The following GRIP2 variants were observed in gnomAD, a reference collection of about 807,000 sequenced individuals.
GRIP2 encodes the protein glutamate receptor-interacting protein 2.
Under a neutral mutation model 108.3 loss-of-function variants are expected in GRIP2, and 58 were observed. The observed-to-expected ratio is 0.54, with a 90% CI of 0.43 to 0.67. The LOEUF (loss-of-function observed/expected upper bound fraction) is 0.67. Among genes scored for constraint, GRIP2 ranks in the 30% least tolerant of loss-of-function variants. The probability of loss-of-function intolerance (pLI) is 0.00; values close to 1 mark genes in which losing one functional copy is unlikely to be tolerated. For missense variants in GRIP2, 1,278 were observed against 1,430.6 expected, an observed-to-expected ratio of 0.89 and a Z score of 1.72; for synonymous variants, 586 against 598.2, an observed-to-expected ratio of 0.98 and a Z score of 0.30.
Position 14,521,066 on chromosome 3 carries a change from G to A in GRIP2, c.713-529C>T, listed in dbSNP as rs1575012715. ...AGCCTGGTTCAGTCCCTTAGCTCTC[G>A]CTTGGACAGCTGCTGCCGCTTCCTA... is the stretch of plus-strand genomic sequence containing the variant. On this transcript the variant is annotated intron_variant, in intron 7 of 23. Transcript: ENST00000621039. The surrounding 1 kb of genome is among the most constrained non-coding windows in gnomAD (Gnocchi z 5.1). 5.9e-6 allele frequency: 1 copy of A among 168,570 alleles called. No individual in the cohort carries two copies. Among genetic ancestry groups the A allele is most frequent in the Non-Finnish European group, 1.3e-5 (1 of 77,752 alleles). 10.4% of individuals were successfully genotyped at this position (168,570 alleles called of 1,614,324 possible).
At chr3:14,543,999 C>T (rs1313371365), upstream of GRIP2, among the ~76,000 whole-genome samples, 1 of 152,264 alleles carries the variant, frequency 6.6e-6, no homozygotes, top group Non-Finnish European at 1.5e-5. Context: ...CATCCACCCA[C>T]TTGCCCGCCA....
rs751818620 is a variant in GRIP2, at chr3:14,512,147, C to G, written c.1720+630G>C. ...GAGGAACGGTCTCAGATGCAAAGGC[C>G]CAGAGGCAGGAAGGGGCAGGCATGG... On this transcript the variant is annotated intron_variant, in intron 14 of 23. Coordinates refer to ENST00000621039, the MANE Select transcript of GRIP2 (RefSeq NM_001080423.4). The surrounding 1 kb of genome is among the most constrained non-coding windows in gnomAD (Gnocchi z 5.1). Among the ~76,000 whole-genome samples the G allele has an allele frequency of 2.0e-4, 31 of 152,054 alleles. No homozygotes were observed. Among genetic ancestry groups the G allele is most frequent in the Non-Finnish European group, 4.4e-5 (3 of 68,028 alleles).
chr3:14,513,952 T>C, intron 12 of GRIP2, 142 bp from the exon 13 acceptor site: 1 of 1,025,966 alleles, frequency 9.7e-7, no homozygotes, highest in Non-Finnish European at 1.4e-6. Context: ...CCCACCTGTG[T>C]ATCCTCAGGA....
the GRIP2 span, among the ~76,000 whole-genome samples, chr3:14,572,290 T>C: frequency 0.17 from 25,329 of 150,850 alleles, 2,337 homozygotes; most frequent in African/African-American, 0.23. Flanking sequence ...CGCTCCCAGG[T>C]CATTTACTGG....
chr3:14,560,760 C>A (rs1005170690), upstream of GRIP2, among the ~76,000 whole-genome samples: 4 of 152,182 alleles, frequency 2.6e-5, no homozygotes, highest in African/African-American at 9.7e-5. Context: ...CAATACATTC[C>A]CTTCTTTGTT....
At chr3:14,573,773 G>A in the GRIP2 span, 5 of 1,544,200 alleles carry the variant, frequency 3.2e-6, no homozygotes, top group African/African-American at 1.4e-5. Flanking sequence ...GATCCTGGTG[G>A]CAGACAGAGC....
the GRIP2 span, among the ~76,000 whole-genome samples, chr3:14,579,995 T>A: frequency 6.6e-6 from 1 of 152,332 alleles, no homozygotes; most frequent in South Asian, 2.1e-4. Flanking sequence ...GTTCCCTGTG[T>A]GGCTTTCGTG....
chr3:14,513,790 C>T lies in GRIP2; in HGVS notation c.1514G>A (p.Gly505Glu). 6.2e-7 allele frequency: 1 copy of T among 1,612,974 alleles called. No individual in the cohort carries two copies. The highest frequency in any genetic ancestry group is 8.5e-7 in the Non-Finnish European group (1 of 1,179,624). ...GCCATTGATGGACAGGACACGGTCC[C>T]CCACCTGCAGCAGCCCACACCTGAA... ...PAERCGLLQV[G>E]DRVLSINGIA... Residue 505 changes from glycine to glutamate, a missense_variant, in exon 13 of 24, where the codon GGG becomes GAG. Gly to Glu is a moderately conservative substitution (Grantham distance 98, BLOSUM62 -2). Coordinates refer to ENST00000621039, the MANE Select transcript of GRIP2 (RefSeq NM_001080423.4).
chr3:14,504,309 GTTT>G (rs35560980), intron 20 of GRIP2, among the ~76,000 whole-genome samples: 3 of 121,580 alleles, frequency 2.5e-5, no homozygotes, highest in African/African-American at 3.3e-5. Context: ...GCACTTGCTT[GTTT>G]TTTTTTTTTT....
rs1257452983 is a variant in GRIP2 at position 14,514,417 on chromosome 3, C to T, written c.1368G>A (p.Glu456=). 1 of 1,574,270 alleles carries T rather than the reference C, an allele frequency of 6.4e-7. No homozygotes were observed. The highest frequency in any genetic ancestry group is 8.6e-7 in the Non-Finnish European group (1 of 1,161,372). The change falls in exon 12 of 24, where the codon GAG becomes GAA. Residue 456 remains glutamate, a synonymous_variant. Coordinates refer to ENST00000621039, the MANE Select transcript of GRIP2 (RefSeq NM_001080423.4). ...TGAGGGGGTCTCCACAGAGCACGAC[C>T]TCCGTGGTCTCCGTGTGCACAATCT... The part of the protein sequence containing the change: ...GGQIVHTETT[E]VVLCGDPLSG...
intron 1 of GRIP2, among the ~76,000 whole-genome samples, chr3:14,526,492 T>A (rs1247687095): frequency 6.6e-6 from 1 of 152,212 alleles, no homozygotes; most frequent in East Asian, 1.9e-4. Context: ...GACTGCACTT[T>A]ACAGTTTATG....
chr3:14,509,291 G>T (rs1045168616), intron 17 of GRIP2, among the ~76,000 whole-genome samples: 2 of 152,222 alleles, frequency 1.3e-5, no homozygotes, highest in African/African-American at 4.8e-5. Flanking sequence ...CAGCTCGGGG[G>T]AGAAGGCTCG....
the GRIP2 span, among the ~76,000 whole-genome samples, chr3:14,569,902 T>A: frequency 1.3e-5 from 2 of 152,098 alleles, no homozygotes; most frequent in African/African-American, 4.8e-5. Flanking sequence ...CTAAGCACTT[T>A]ATGTATATGA....
the GRIP2 span, among the ~76,000 whole-genome samples, chr3:14,593,081 G>A: frequency 6.6e-6 from 1 of 152,176 alleles, no homozygotes; most frequent in Non-Finnish European, 1.5e-5. Context: ...GGACACCACT[G>A]GGAACTAATG....
At chr3:14,574,871 C>A in the GRIP2 span, 1 of 304,360 alleles carries the variant, frequency 3.3e-6, no homozygotes, top group Non-Finnish European at 6.4e-6. Flanking sequence ...AAACATCATG[C>A]TGAATGAAAA....
chr3:14,523,053 GTGCCCATCTTCA>G lies in GRIP2; in HGVS notation c.501_512del (p.Glu168_His171del). 2 of 1,610,792 alleles carry G rather than the reference GTGCCCATCTTCA, an allele frequency of 1.2e-6. No homozygotes were observed. The highest frequency in any genetic ancestry group is 1.7e-6 in the Non-Finnish European group (2 of 1,178,086). On this transcript the variant is annotated inframe_deletion, in exon 6 of 24. Transcript: ENST00000621039. Reference sequence around the variant, plus strand: ...AGGTCAGGACAAGCGGGCGGGACTTGTGCCCATCTTCATGGGCACCTCCTGGACAGGATTTGA... The same window carrying G: ...AGGTCAGGACAAGCGGGCGGGACTTGTGGGCACCTCCTGGACAGGATTTGA...
rs1239019317 is a variant in GRIP2 at position 14,522,072 on chromosome 3, C to A, written c.567-285G>T. ...GTAATTCACAGACTCAGTGCAGAAC[C>A]CTGAAATGTCTGAGCTGGGGGTGCT... On this transcript the variant is annotated intron_variant, in intron 6 of 23. Transcript: ENST00000621039. The surrounding 1 kb of genome is among the most constrained non-coding windows in gnomAD (Gnocchi z 4.3). 7.0e-6 allele frequency: 3 copies of A among 426,608 alleles called. No individual in the cohort carries two copies. Among genetic ancestry groups the A allele is most frequent in the African/African-American group, 2.1e-5 (1 of 48,684 alleles). The allele number at this position is 426,608 out of a possible 1,614,324, so 26.4% of individuals were successfully genotyped here. A position where few individuals can be genotyped will look rare whatever the true frequency, so the allele number is the denominator to read the frequency against.
At chr3:14,533,895 G>T (rs1694770062) in intron 1 of GRIP2, among the ~76,000 whole-genome samples, 2 of 152,166 alleles carry the variant, frequency 1.3e-5, no homozygotes, top group Admixed American at 1.3e-4. Flanking sequence ...ACTTGACTGC[G>T]TGCTGCAAAA....
intron 19 of GRIP2, among the ~76,000 whole-genome samples, chr3:14,506,315 C>A (rs1030502588): frequency 6.6e-6 from 1 of 152,110 alleles, no homozygotes; most frequent in Non-Finnish European, 1.5e-5. Flanking sequence ...CAGACTCAGA[C>A]GTCTCCCTGC....
Sources: gnomAD v4.1 joint callset for allele counts (sites outside exome capture counted in the v4.1 genomes callset) on GRCh38, gnomAD v4.1.1 for gene constraint, Gnocchi (gnomAD v3.1) non-coding constraint, MANE v1.5 for transcripts, NCBI Gene and HGNC (gene_info 2026-07-23, HGNC 2026-07-21) for gene names.